The following EPB41L2 variants were observed in gnomAD, a reference collection of about 807,000 sequenced individuals.
The protein encoded by EPB41L2 is band 4.1-like protein 2.
In EPB41L2, 43 loss-of-function variants were observed where a neutral mutation model predicts 113.0. The observed-to-expected ratio is 0.38, with a 90% CI of 0.30 to 0.49. The LOEUF (loss-of-function observed/expected upper bound fraction) is 0.49. Among genes scored for constraint, EPB41L2 ranks in the 20% least tolerant of loss-of-function variants. The probability of loss-of-function intolerance (pLI) is 0.95; values close to 1 mark genes in which losing one functional copy is unlikely to be tolerated. For synonymous variants in EPB41L2, 442 were observed against 436.7 expected (o/e 1.01, Z -0.15); for missense variants, 1,147 against 1,223.4 (o/e 0.94, Z 0.93).
At chr6:130,845,251 G>A (rs1776663512) in intron 19 of EPB41L2, among the ~76,000 whole-genome samples, 1 of 152,172 alleles carries the variant, frequency 6.6e-6, no homozygotes, top group Non-Finnish European at 1.5e-5. Context: ...ATCATACTAA[G>A]ACATTATGTC....
intron 18 of EPB41L2, among the ~76,000 whole-genome samples, chr6:130,859,436 G>A (rs963781861): frequency 1.3e-5 from 2 of 151,880 alleles, no homozygotes; most frequent in East Asian, 1.9e-4. Context: ...TGCCTGAACC[G>A]GGAAGTGGAG....
intron 1 of EPB41L2, among the ~76,000 whole-genome samples, chr6:131,050,983 C>T (rs1796402809): frequency 6.6e-6 from 1 of 152,168 alleles, no homozygotes; most frequent in Non-Finnish European, 1.5e-5. Flanking sequence ...CTAATGCTGT[C>T]ACCTCTGATA....
intron 1 of EPB41L2, among the ~76,000 whole-genome samples, chr6:131,035,421 C>T (rs1211341629): frequency 6.6e-6 from 1 of 152,186 alleles, no homozygotes; most frequent in Non-Finnish European, 1.5e-5. Context: ...TGTAGTCCTA[C>T]TCTTGTACTT....
chr6:130,991,607 T>G (rs11964872), intron 1 of EPB41L2, among the ~76,000 whole-genome samples: 6,159 of 152,300 alleles, frequency 0.04, 440 homozygotes, highest in African/African-American at 0.14. Flanking sequence ...CCACTACGTA[T>G]CTACTTCTTT....
intron 14 of EPB41L2, among the ~76,000 whole-genome samples, chr6:130,873,037 TA>T (rs1786263736): frequency 6.6e-6 from 1 of 152,136 alleles, no homozygotes; most frequent in African/African-American, 2.4e-5. Flanking sequence ...GCATTTTCTG[TA>T]AGGCCTTCCC....
At position 130,840,495 on chromosome 6, in the gene EPB41L2, T is replaced by G. The variant is rs184152013; in HGVS notation, c.*109A>C. ...TCAGGCTTCTGGTCATTGTTACCAGTTGTAGCATAAATTCGCTGGAATAGT... is the reference window on the plus strand; with the variant it reads ...TCAGGCTTCTGGTCATTGTTACCAGGTGTAGCATAAATTCGCTGGAATAGT... On this transcript the variant is annotated 3_prime_UTR_variant, in exon 20 of 20. Coordinates refer to ENST00000337057, the MANE Select transcript of EPB41L2 (RefSeq NM_001431.4). 1 of 152,076 alleles carries G rather than the reference T, an allele frequency of 6.6e-6. No individual in the cohort carries two copies. The highest frequency in any genetic ancestry group is 1.9e-4 in the East Asian group (1 of 5,200). The allele number at this position is 152,076 out of a possible 1,614,324, so 9.4% of individuals were successfully genotyped here.
intron 3 of EPB41L2, among the ~76,000 whole-genome samples, chr6:130,929,923 A>G (rs1304135632): frequency 6.6e-6 from 1 of 151,694 alleles, no homozygotes; most frequent in Non-Finnish European, 1.5e-5. Flanking sequence ...AAAGTGGTAT[A>G]AACAGTAGGA....
chr6:130,977,941 T>C (rs762560587), intron 1 of EPB41L2, among the ~76,000 whole-genome samples: 2 of 152,216 alleles, frequency 1.3e-5, no homozygotes, highest in East Asian at 3.8e-4. Flanking sequence ...CCCCTAAAAG[T>C]GGTGGAAGGT....
At chr6:130,954,270 G>T (rs1405303864) in intron 3 of EPB41L2, among the ~76,000 whole-genome samples, 1 of 151,710 alleles carries the variant, frequency 6.6e-6, no homozygotes, top group Non-Finnish European at 1.5e-5. Flanking sequence ...AGCCAGGATG[G>T]TCTGGATCTC....
chr6:130,976,049 A>C (rs1390304831), intron 1 of EPB41L2, among the ~76,000 whole-genome samples: 1 of 151,956 alleles, frequency 6.6e-6, no homozygotes, highest in African/African-American at 2.4e-5. Context: ...AAAACAAAAC[A>C]AAACTCTTTT....
intron 1 of EPB41L2, among the ~76,000 whole-genome samples, chr6:131,035,426 G>T (rs1416332427): frequency 6.6e-6 from 1 of 152,070 alleles, no homozygotes; most frequent in Non-Finnish European, 1.5e-5. Context: ...TCCTACTCTT[G>T]TACTTCCCAT....
chr6:130,934,240 C>T (rs1435310546), intron 3 of EPB41L2, among the ~76,000 whole-genome samples: 15 of 152,046 alleles, frequency 9.9e-5, no homozygotes, highest in African/African-American at 3.6e-4. Context: ...TTCATTCAAA[C>T]CCCAGGAAAA....
intron 19 of EPB41L2, 101 bp from the exon 20 acceptor site, chr6:130,840,699 A>C (rs907040008): frequency 6.6e-6 from 1 of 152,160 alleles, no homozygotes; most frequent in Non-Finnish European, 1.5e-5. Context: ...TCAATCAAGT[A>C]ATCAACAGTT....
intron 1 of EPB41L2, among the ~76,000 whole-genome samples, chr6:131,050,731 C>T (rs2128196447): frequency 6.6e-6 from 1 of 152,332 alleles, no homozygotes; most frequent in Admixed American, 6.5e-5. Context: ...AAAACTTACT[C>T]TAATCCCCAA....
intron 1 of EPB41L2, among the ~76,000 whole-genome samples, chr6:131,048,145 A>AG (rs1379340500): frequency 8.5e-6 from 1 of 117,114 alleles, no homozygotes; most frequent in Non-Finnish European, 1.9e-5. Flanking sequence ...TCTCAAAAAA[A>AG]AAAAAAAAAA....
chr6:130,880,006 T>C (rs1788765249), intron 13 of EPB41L2, 138 bp downstream of exon 13: 1 of 619,968 alleles, frequency 1.6e-6, no homozygotes, highest in Admixed American at 3.1e-5. Flanking sequence ...GCTGGTAACA[T>C]GCACTCCCGA....
intron 1 of EPB41L2, among the ~76,000 whole-genome samples, chr6:131,011,881 T>C (rs76009288): frequency 0.018 from 2,682 of 152,212 alleles, 34 homozygotes; most frequent in Non-Finnish European, 0.026. Flanking sequence ...AGAAAACAGA[T>C]GGATATCCTC....
intron 4 of EPB41L2, among the ~76,000 whole-genome samples, chr6:130,922,248 GT>G (rs1334164679): frequency 2.6e-5 from 4 of 152,156 alleles, no homozygotes; most frequent in African/African-American, 9.7e-5. Flanking sequence ...CCTTAAATTT[GT>G]TGACAATATA....
intron 1 of EPB41L2, among the ~76,000 whole-genome samples, chr6:131,041,456 C>T (rs937141581): frequency 6.6e-6 from 1 of 152,010 alleles, no homozygotes; most frequent in Admixed American, 6.5e-5. Flanking sequence ...AATCTTCATG[C>T]CAAAAAGAAA....
Sources: gnomAD v4.1 joint callset for allele counts (sites outside exome capture counted in the v4.1 genomes callset) on GRCh38, gnomAD v4.1.1 for gene constraint, MANE v1.5 for transcripts, NCBI Gene and HGNC (gene_info 2026-07-23, HGNC 2026-07-21) for gene names.